The following LIMCH1 variants were observed in gnomAD, a reference collection of about 807,000 sequenced individuals.
LIMCH1 encodes LIM and calponin homology domains-containing protein 1.
LIMCH1 carries 113 observed loss-of-function variants against 176.5 expected under a neutral mutation model. That is an observed-to-expected ratio of 0.64 (90% CI 0.55 to 0.75). The LOEUF (loss-of-function observed/expected upper bound fraction) is 0.75. LIMCH1 is among the 30% of genes least tolerant of loss of function. LIMCH1 has a pLI of 0.00. For synonymous variants in LIMCH1, 619 were observed against 645.9 expected, an observed-to-expected ratio of 0.96 and a Z score of 0.63; for missense variants, 1,674 against 1,814.9, an observed-to-expected ratio of 0.92 and a Z score of 1.41.
At chr4:41,521,945 A>G (rs1409181115) in intron 2 of LIMCH1, among the ~76,000 whole-genome samples, 1 of 152,188 alleles carries the variant, frequency 6.6e-6, no homozygotes, top group Non-Finnish European at 1.5e-5. Flanking sequence ...CTCAATATAT[A>G]TAAAAGAGGA....
At position 41,633,723 on chromosome 4, in the gene LIMCH1, A is replaced by T. The variant is rs932678537; in HGVS notation, c.2005A>T (p.Asn669Tyr). 4 of 1,536,080 alleles carry T rather than the reference A, an allele frequency of 2.6e-6. No homozygotes were observed. Among genetic ancestry groups the T allele is most frequent in the South Asian group, 1.2e-5 (1 of 84,070 alleles). Reference sequence around the variant, plus strand: ...GATGTCCCTTAGACACACTGGATCCAACCCAAACCAGTTCCTTCCAGTTCC... The same window carrying T: ...GATGTCCCTTAGACACACTGGATCCTACCCAAACCAGTTCCTTCCAGTTCC... ...TGMSLRHTGSNPNQFLPVPFA... is the reference protein window; with the variant it reads ...TGMSLRHTGSYPNQFLPVPFA... Residue 669 changes from asparagine (N) to tyrosine (Y), a missense_variant, in exon 13 of 32, where the codon AAC becomes TAC. By Grantham distance (143) the Asn-to-Tyr change is moderately radical. Transcript: ENST00000503057.
chr4:41,518,589 TA>T lies in LIMCH1; in HGVS notation c.168-5818del, dbSNP rs1303514751. ...TTTCTTTTTTGTTGTTAATTTGCTT[TA>T]AGTTCTGAGATACATGTGCAGAACG... On this transcript the variant is annotated intron_variant, in intron 2 of 26. Coordinates refer to the LIMCH1 transcript ENST00000313860. Among the ~76,000 whole-genome samples, 3 of 152,314 alleles carry T rather than the reference TA, an allele frequency of 2.0e-5. No homozygotes were observed. In the East Asian group the frequency reaches 5.8e-4, roughly 29 times the overall value.
rs1731592648 is a variant in LIMCH1 at position 41,697,784 on chromosome 4, A to T, written c.*599A>T. ...TTACTTACCTTTGGAGGTAGAAATT[A>T]TACCAATAAATTATTGCACCGTTAG... is the stretch of plus-strand genomic sequence containing the variant. On this transcript the variant is annotated 3_prime_UTR_variant, in exon 32 of 32. Coordinates refer to ENST00000503057, the MANE Select transcript of LIMCH1 (RefSeq NM_001330672.2). 6.6e-6 allele frequency: 1 copy of T among 152,348 alleles called. No individual in the cohort carries two copies. The highest frequency in any genetic ancestry group is 1.5e-5 in the Non-Finnish European group (1 of 68,126). 9.4% of individuals were successfully genotyped at this position (152,348 alleles called of 1,614,324 possible).
chr4:41,544,903 G>A (rs1460412223), intron 1 of LIMCH1, among the ~76,000 whole-genome samples: 1 of 152,138 alleles, frequency 6.6e-6, no homozygotes, highest in Non-Finnish European at 1.5e-5. Flanking sequence ...TACCTCTTGG[G>A]TCCTTGATTG....
chr4:41,362,581 T>A (rs1030612691), intron 1 of LIMCH1, among the ~76,000 whole-genome samples: 2 of 152,198 alleles, frequency 1.3e-5, no homozygotes, highest in African/African-American at 4.8e-5. Flanking sequence ...GGCAAGTGAT[T>A]TATTCTCAAT....
chr4:41,436,942 A>C (rs28539175), intron 1 of LIMCH1, among the ~76,000 whole-genome samples: 2,626 of 152,264 alleles, frequency 0.017, 68 homozygotes, highest in African/African-American at 0.06. Flanking sequence ...CTCCTAGGTA[A>C]TATGTCAAAT....
intron 1 of LIMCH1, among the ~76,000 whole-genome samples, chr4:41,442,172 C>T (rs2062770634): frequency 1.3e-5 from 2 of 152,096 alleles, no homozygotes; most frequent in South Asian, 4.2e-4. Flanking sequence ...TGGTGGTATG[C>T]ACCTGTAGTT....
chr4:41,420,882 G>T (rs1021108178), intron 1 of LIMCH1, among the ~76,000 whole-genome samples: 2 of 152,194 alleles, frequency 1.3e-5, no homozygotes, highest in Admixed American at 1.3e-4. Flanking sequence ...CTGTATGTGG[G>T]CCAATTTGAA....
At chr4:41,525,953 G>T (rs2076609125) in intron 3 of LIMCH1, among the ~76,000 whole-genome samples, 1 of 152,068 alleles carries the variant, frequency 6.6e-6, no homozygotes, top group African/African-American at 2.4e-5. Flanking sequence ...TCCAGATGAG[G>T]AGAAACAAGT....
rs564772604 is a variant in LIMCH1, at chr4:41,485,513, T to C, written c.97-9023T>C. On this transcript the variant is annotated intron_variant, in intron 1 of 26. Coordinates refer to the LIMCH1 transcript ENST00000313860. ...TTCTTGAAAGGCACACAGGGCATAG[T>C]TGGTGACATAATTGCCACCGTAAGT... Among the ~76,000 whole-genome samples the C allele has an allele frequency of 3.3e-5, 5 of 152,328 alleles. No homozygotes were observed. In the South Asian group the frequency reaches 1.0e-3, roughly 32 times the overall value.
At chr4:41,615,121 A>G (rs2091921018) in intron 5 of LIMCH1, among the ~76,000 whole-genome samples, 1 of 152,214 alleles carries the variant, frequency 6.6e-6, no homozygotes, top group Non-Finnish European at 1.5e-5. Flanking sequence ...TTAAATACCA[A>G]GTTCACTATC....
intron 20 of LIMCH1, among the ~76,000 whole-genome samples, chr4:41,664,970 C>T (rs1437035286): frequency 2.0e-5 from 3 of 152,028 alleles, no homozygotes; most frequent in African/African-American, 7.3e-5. Flanking sequence ...TATATATAGC[C>T]CCTGAATACT....
chr4:41,639,080 G>T, intron 14 of LIMCH1, 113 bp downstream of exon 14: 1 of 788,766 alleles, frequency 1.3e-6, no homozygotes, highest in South Asian at 1.9e-5. Flanking sequence ...ATAGTTAGCT[G>T]ACTTGTGCAG....
At chr4:41,562,183 CCT>C (rs2082153652) in intron 1 of LIMCH1, among the ~76,000 whole-genome samples, 1 of 152,152 alleles carries the variant, frequency 6.6e-6, no homozygotes. Flanking sequence ...GGCCCATCAA[CCT>C]CTCTCCACTT....
intron 4 of LIMCH1, among the ~76,000 whole-genome samples, chr4:41,611,644 C>A (rs969622453): frequency 1.4e-4 from 21 of 152,194 alleles, no homozygotes; most frequent in African/African-American, 5.1e-4. Context: ...TCTTATTTTT[C>A]TCTTCTGTAA....
intron 1 of LIMCH1, among the ~76,000 whole-genome samples, chr4:41,476,791 C>T (rs953875534): frequency 2.0e-5 from 3 of 152,104 alleles, no homozygotes; most frequent in African/African-American, 7.2e-5. Flanking sequence ...TTATTTCAAG[C>T]TGGATTCTTT....
At chr4:41,545,537 T>A (rs2079254665) in intron 1 of LIMCH1, among the ~76,000 whole-genome samples, 1 of 152,204 alleles carries the variant, frequency 6.6e-6, no homozygotes, top group Non-Finnish European at 1.5e-5. Context: ...TACCCTATTA[T>A]CTGGCTCTAA....
chr4:41,462,512 A>T (rs1488568821), intron 1 of LIMCH1, among the ~76,000 whole-genome samples: 1 of 152,244 alleles, frequency 6.6e-6, no homozygotes, highest in Non-Finnish European at 1.5e-5. Context: ...ATCCCACAGG[A>T]ATCATGAGAG....
At chr4:41,603,777 T>C (rs1045303755) in intron 2 of LIMCH1, 98 bp from the exon 3 acceptor site, 2 of 783,604 alleles carry the variant, frequency 2.6e-6, no homozygotes, top group Non-Finnish European at 4.3e-6. Context: ...TTTCATTATA[T>C]ATGTTAGCTT....
Sources: allele counts gnomAD v4.1 joint callset (sites outside exome capture counted in the v4.1 genomes callset), GRCh38; gene constraint gnomAD v4.1.1; transcripts MANE v1.5; gene names NCBI Gene and HGNC (gene_info 2026-07-23, HGNC 2026-07-21).